BTBD2: variants seen among roughly 807,000 people sequenced by gnomAD.
The protein encoded by BTBD2 is BTB/POZ domain-containing protein 2.
In BTBD2, 15 loss-of-function variants were observed where a neutral mutation model predicts 44.0. That is an observed-to-expected ratio of 0.34 (90% CI 0.23 to 0.53). The LOEUF is 0.53. Among genes scored for constraint, BTBD2 ranks in the 20% least tolerant of loss-of-function variants. The probability of loss-of-function intolerance (pLI) is 0.95; values close to 1 mark genes in which losing one functional copy is unlikely to be tolerated. For missense variants in BTBD2, 657 were observed against 746.4 expected, an observed-to-expected ratio of 0.88 and a Z score of 1.39; for synonymous variants, 443 against 335.9, an observed-to-expected ratio of 1.32 and a Z score of -3.49.
rs1296412105 is a variant in BTBD2, at chr19:1,986,487, C to G, written c.*1G>C. 4.3e-6 allele frequency: 7 copies of G among 1,613,322 alleles called. No individual in the cohort carries two copies. Among genetic ancestry groups the G allele is most frequent in the Non-Finnish European group, 5.9e-6 (7 of 1,179,616 alleles). ...GGAGGGCGGTGTCGGTGTCGGGCAGCCTAGGTGTAGAAGATGACCTCGGGG... is the reference window on the plus strand; with the variant it reads ...GGAGGGCGGTGTCGGTGTCGGGCAGGCTAGGTGTAGAAGATGACCTCGGGG... On this transcript the variant is annotated 3_prime_UTR_variant, in exon 9 of 9. Transcript: ENST00000255608.
At chr19:2,009,697 A>T (rs1215801996) in intron 1 of BTBD2, among the ~76,000 whole-genome samples, 1 of 151,584 alleles carries the variant, frequency 6.6e-6, no homozygotes, top group Non-Finnish European at 1.5e-5. Flanking sequence ...TAAAAATACA[A>T]AAATTAGCTG....
chr19:2,010,389 G>A (rs1424214078), intron 1 of BTBD2, among the ~76,000 whole-genome samples: 4 of 152,140 alleles, frequency 2.6e-5, no homozygotes, highest in Non-Finnish European at 5.9e-5. Context: ...CAGAAGCCGC[G>A]TGCAACCCCT....
intron 1 of BTBD2, among the ~76,000 whole-genome samples, chr19:2,001,754 T>TTGAG (rs2016333152): frequency 2.0e-5 from 3 of 152,354 alleles, no homozygotes; most frequent in African/African-American, 7.2e-5. Flanking sequence ...TTTTTGTGTT[T>TTGAG]TGAGACGGAG....
At chr19:2,000,694 C>T (rs1045941278) in intron 1 of BTBD2, among the ~76,000 whole-genome samples, 1 of 152,186 alleles carries the variant, frequency 6.6e-6, no homozygotes, top group Non-Finnish European at 1.5e-5. Context: ...GTAACCCCTT[C>T]CCCTTCCAAA....
At position 2,015,250 on chromosome 19, in the gene BTBD2, C is replaced by A. The variant is rs770483667; in HGVS notation, c.407+47G>T. On this transcript the variant is annotated intron_variant, in intron 1 of 8. Transcript: ENST00000255608. ...GGCCTCAGGTGCAGGGCCCGGGCAGCAGGCTGGGTGGGTCGGGGCCAGGGC... is the reference window on the plus strand; with the variant it reads ...GGCCTCAGGTGCAGGGCCCGGGCAGAAGGCTGGGTGGGTCGGGGCCAGGGC... 1.2e-4 allele frequency: 184 copies of A among 1,500,990 alleles called. 2 individuals carry two copies. In the East Asian group the frequency reaches 4.7e-3, roughly 39 times the overall value. The allele number at this position is 1,500,990 out of a possible 1,614,324, so 93.0% of individuals were successfully genotyped here. A position where few individuals can be genotyped will look rare whatever the true frequency, so the allele number is the denominator to read the frequency against.
At chr19:1,992,864 GCCCGGC>G (rs1242930454) in intron 3 of BTBD2, among the ~76,000 whole-genome samples, 150 bp downstream of exon 3, 2 of 152,118 alleles carry the variant, frequency 1.3e-5, no homozygotes, top group African/African-American at 2.4e-5. Flanking sequence ...GAGCAACCAC[GCCCGGC>G]CCAAAACACA....
intron 6 of BTBD2, 72 bp downstream of exon 6, chr19:1,987,414 ACCCCCATGCCCGGC>A: frequency 2.2e-6 from 1 of 464,464 alleles, no homozygotes; most frequent in Non-Finnish European, 3.2e-6. Flanking sequence ...TGAGTTCTCC[ACCCCCATGCCCGGC>A]CCCCCATCTC....
chr19:2,001,565 A>G (rs989871313), intron 1 of BTBD2, among the ~76,000 whole-genome samples: 1 of 152,232 alleles, frequency 6.6e-6, no homozygotes, highest in African/African-American at 2.4e-5. Context: ...TCCGTGATGT[A>G]ATCTACGCAA....
rs1344036148 is a variant in BTBD2, at chr19:2,004,538, T to C, written c.408-7075A>G. On this transcript the variant is annotated intron_variant, in intron 1 of 8. Transcript: ENST00000255608. ...TCTCCAACTCCTGACCTCAGGTGAT[T>C]CGCCCGCCTCGGCCTCCCGAAGTGC... Among the ~76,000 whole-genome samples, 3 of 151,886 alleles carry C rather than the reference T, an allele frequency of 2.0e-5. No individual in the cohort carries two copies. The South Asian group carries it at 6.2e-4, about 32-fold the overall frequency.
Position 2,010,713 on chromosome 19 carries a change from C to T in BTBD2, c.407+4584G>A, listed in dbSNP as rs565258697. Among the ~76,000 whole-genome samples, 37 of 151,714 alleles carry T rather than the reference C, an allele frequency of 2.4e-4. 1 individual carries two copies. The South Asian group carries it at 5.4e-3, about 22-fold the overall frequency. On this transcript the variant is annotated intron_variant, in intron 1 of 8. Transcript: ENST00000255608. ...GGAGTGCAGTGGCGCAATCTTGGCTCACTGCAATTTCTGCCTTCCGGATTC... is the reference window on the plus strand; with the variant it reads ...GGAGTGCAGTGGCGCAATCTTGGCTTACTGCAATTTCTGCCTTCCGGATTC...
chr19:2,009,384 G>A (rs2016434962), intron 1 of BTBD2, among the ~76,000 whole-genome samples: 1 of 151,822 alleles, frequency 6.6e-6, no homozygotes, highest in Middle Eastern at 3.4e-3. Context: ...ATTTTTAGTA[G>A]AGACGGGGTT....
In BTBD2 at chr19:2,015,369, T is replaced by C. The variant is rs778247318; in HGVS notation, c.335A>G (p.Asn112Ser). 1 of 1,585,194 alleles carries C rather than the reference T, an allele frequency of 6.3e-7. No individual in the cohort carries two copies. The highest frequency in any genetic ancestry group is 1.1e-5 in the South Asian group (1 of 89,466). ...GTGCACGTCGCACAGCACCTCGTTGTTGAAGAGGAAGGCGAAGCGCTCCTG... is the reference window on the plus strand; with the variant it reads ...GTGCACGTCGCACAGCACCTCGTTGCTGAAGAGGAAGGCGAAGCGCTCCTG... ...TVQERFAFLF[N>S]NEVLCDVHFL... The change falls in exon 1 of 9, where the codon AAC becomes AGC. Residue 112 changes from asparagine (N) to serine (S), a missense_variant. Asn to Ser is a conservative substitution (Grantham distance 46, BLOSUM62 1). This residue lies in a region of BTBD2 where 191 missense variants were observed against 188.5 expected (regional missense o/e 1.01). Transcript: ENST00000255608.
At chr19:2,015,152 G>A (rs1157955263) in intron 1 of BTBD2, 145 bp downstream of exon 1, 3 of 1,275,604 alleles carry the variant, frequency 2.4e-6, no homozygotes, top group Non-Finnish European at 3.1e-6. Context: ...AGGGGTGCAG[G>A]GGTCCCGGGG....
intron 1 of BTBD2, among the ~76,000 whole-genome samples, chr19:2,014,861 GA>G (rs1414070453): frequency 2.0e-5 from 3 of 150,948 alleles, no homozygotes; most frequent in Admixed American, 6.6e-5. Context: ...GCGCAAGCCA[GA>G]GGTGGAGGAT....
intron 2 of BTBD2, among the ~76,000 whole-genome samples, chr19:1,994,149 C>T (rs923305798): frequency 1.3e-5 from 2 of 151,058 alleles, no homozygotes; most frequent in Non-Finnish European, 2.9e-5. Context: ...AAATCCCCCT[C>T]TACTAAAAAT....
At chr19:1,994,510 C>T (rs1238834156) in intron 2 of BTBD2, among the ~76,000 whole-genome samples, 1 of 152,028 alleles carries the variant, frequency 6.6e-6, no homozygotes, top group East Asian at 1.9e-4. Context: ...CCTGTAATCC[C>T]AGCACTTTGG....
At chr19:2,002,273 G>A (rs1344615103) in intron 1 of BTBD2, among the ~76,000 whole-genome samples, 1 of 152,162 alleles carries the variant, frequency 6.6e-6, no homozygotes, top group African/African-American at 2.4e-5. Flanking sequence ...TACAGACGGG[G>A]TCTCGCTATG....
chr19:1,988,514 G>GTC (rs2016125898), intron 5 of BTBD2: 2 of 152,254 alleles, frequency 1.3e-5, no homozygotes, highest in African/African-American at 4.8e-5. Flanking sequence ...AGACCATTAT[G>GTC]GGTTAAGTGA....
intron 1 of BTBD2, among the ~76,000 whole-genome samples, chr19:2,001,994 G>A (rs12984467): frequency 0.2 from 30,062 of 152,130 alleles, 3,315 homozygotes; most frequent in East Asian, 0.31. Context: ...GCCCGCCTCC[G>A]TCTCCCAAAG....
Sources: gnomAD v4.1 joint callset for allele counts (sites outside exome capture counted in the v4.1 genomes callset) on GRCh38, gnomAD v4.1.1 for gene constraint, gnomAD v4.1.1 regional missense constraint, MANE v1.5 for transcripts, NCBI Gene and HGNC (gene_info 2026-07-23, HGNC 2026-07-21) for gene names.